Variants in DNAJC17 observed in about 807,000 individuals in gnomAD.
The protein encoded by DNAJC17 is DnaJ heat shock protein family (Hsp40) member C17.
Under a neutral mutation model 48.1 loss-of-function variants are expected in DNAJC17, and 35 were observed. The ratio of observed to expected loss-of-function variants is 0.73; its 90% CI spans 0.56 to 0.96. The LOEUF is 0.96. DNAJC17 is among the 50% of genes least tolerant of loss of function. The probability of loss-of-function intolerance (pLI) is 0.00; values close to 1 mark genes in which losing one functional copy is unlikely to be tolerated. For missense variants in DNAJC17, 355 were observed against 377.1 expected, an observed-to-expected ratio of 0.94 and a Z score of 0.48; for synonymous variants, 117 against 142.7, an observed-to-expected ratio of 0.82 and a Z score of 1.28.
intron 1 of DNAJC17, among the ~76,000 whole-genome samples, chr15:40,794,924 G>A (rs1304572034): frequency 1.3e-5 from 2 of 151,924 alleles, no homozygotes; most frequent in African/African-American, 4.8e-5. Context: ...TCGTCGTGTT[G>A]GCCAGGCTGG....
intron 1 of DNAJC17, among the ~76,000 whole-genome samples, chr15:40,804,928 G>C (rs1890161819): frequency 6.6e-6 from 1 of 151,938 alleles, no homozygotes; most frequent in African/African-American, 2.4e-5. Flanking sequence ...CCTGAACCTG[G>C]GGGGCAGAGG....
chr15:40,767,388 A>AG lies in DNAJC17; in HGVS notation c.*551dup, dbSNP rs1346974635. 6.4e-7 allele frequency: 1 copy of AG among 1,569,450 alleles called. No individual in the cohort carries two copies. The highest frequency in any genetic ancestry group is 8.6e-7 in the Non-Finnish European group (1 of 1,159,224). Reference sequence around the variant, plus strand: ...ATTTGCAGACGGGGCACCCCTGTGGAGGGGCTGCTGTGGGCCCTGACCTCC... The same window carrying AG: ...ATTTGCAGACGGGGCACCCCTGTGGAGGGGGCTGCTGTGGGCCCTGACCTCC... On this transcript the variant is annotated 3_prime_UTR_variant, in exon 11 of 11. Transcript: ENST00000220496.
chr15:40,784,959 A>T (rs1181843266), intron 1 of DNAJC17, among the ~76,000 whole-genome samples: 1 of 152,070 alleles, frequency 6.6e-6, no homozygotes, highest in African/African-American at 2.4e-5. Flanking sequence ...TTAGCTGGGC[A>T]TGGTGGTGGG....
intron 2 of DNAJC17, 159 bp from the exon 3 acceptor site, chr15:40,779,762 C>T (rs1047648910): frequency 1.8e-6 from 2 of 1,088,788 alleles, no homozygotes; most frequent in Non-Finnish European, 2.7e-6. Flanking sequence ...AGCATATCAG[C>T]AACTGACCAG....
chr15:40,800,924 C>A (rs1596101550), intron 1 of DNAJC17, among the ~76,000 whole-genome samples: 1 of 150,706 alleles, frequency 6.6e-6, no homozygotes, highest in East Asian at 2.0e-4. Context: ...CGCCACCATG[C>A]TCCAGCCTGG....
rs1888938521 is a variant in DNAJC17, at chr15:40,765,974, T to C, written c.*1966A>G. 2.2e-6 allele frequency: 2 copies of C among 897,260 alleles called. No individual in the cohort carries two copies. The highest frequency in any genetic ancestry group is 1.7e-6 in the Non-Finnish European group (1 of 580,326). The allele number at this position is 897,260 out of a possible 1,614,324, so 55.6% of individuals were successfully genotyped here. A position where few individuals can be genotyped will look rare whatever the true frequency, so the allele number is the denominator to read the frequency against. ...CTCCCTGCCAGCCCCTAGACCTGCC[T>C]CTGCTCCCTTTATACAACCTCCAAG... On this transcript the variant is annotated 3_prime_UTR_variant, in exon 11 of 11. Coordinates refer to ENST00000220496, the MANE Select transcript of DNAJC17 (RefSeq NM_018163.3).
chr15:40,806,032 C>T (rs1042933610), intron 1 of DNAJC17, among the ~76,000 whole-genome samples: 3 of 151,924 alleles, frequency 2.0e-5, no homozygotes, highest in African/African-American at 7.3e-5. Flanking sequence ...CATAGACATC[C>T]CATGGCCATT....
At chr15:40,786,091 C>G (rs544235221) in intron 1 of DNAJC17, among the ~76,000 whole-genome samples, 1 of 152,322 alleles carries the variant, frequency 6.6e-6, no homozygotes, top group Non-Finnish European at 1.5e-5. Context: ...GAATTTCTCA[C>G]CATGTAAACA....
chr15:40,786,898 C>G (rs2141956041), intron 1 of DNAJC17, among the ~76,000 whole-genome samples: 1 of 152,328 alleles, frequency 6.6e-6, no homozygotes, highest in East Asian at 1.9e-4. Flanking sequence ...CCATCCTAGA[C>G]TGGTTGAGTT....
At position 40,779,514 on chromosome 15, in the gene DNAJC17, G is replaced by A. The variant is rs771138006; in HGVS notation, c.207+31C>T. The A allele has an allele frequency of 3.1e-6, 5 of 1,613,684 alleles. No individual in the cohort carries two copies. The African/African-American group carries it at 4.0e-5, about 13-fold the overall frequency. On this transcript the variant is annotated intron_variant, in intron 3 of 10. Transcript: ENST00000220496. ...GGCAGCAGTGGTCTCTAACCATGGG[G>A]GACGATTCCGATGAAGGAGGCTGTG...
intron 1 of DNAJC17, among the ~76,000 whole-genome samples, chr15:40,794,587 A>C (rs1241117061): frequency 3.3e-5 from 5 of 152,130 alleles, no homozygotes; most frequent in Non-Finnish European, 7.4e-5. Flanking sequence ...TGGGAGGATC[A>C]CCTGAGCCCA....
At chr15:40,780,020 A>G (rs1889439161) in intron 1 of DNAJC17, 23 bp from the exon 2 acceptor site, 8 of 1,610,850 alleles carry the variant, frequency 5.0e-6, no homozygotes, top group South Asian at 1.1e-5. Context: ...GACAGAAGAC[A>G]TGGCCATTCA....
At position 40,793,351 on chromosome 15, in the gene DNAJC17, G is replaced by GTA. The variant is rs144103944; in HGVS notation, c.79-13356_79-13355dup. 9.9e-3 allele frequency among the ~76,000 whole-genome samples: 1,508 copies of GTA among 152,232 alleles called. 25 individuals carry two copies. Among genetic ancestry groups the GTA allele is most frequent in the African/African-American group, 0.034 (1,411 of 41,506 alleles). On this transcript the variant is annotated intron_variant, in intron 1 of 10. Coordinates refer to ENST00000220496, the MANE Select transcript of DNAJC17 (RefSeq NM_018163.3). ...TTCATTGCACCTCAGCGTTCACTGA[G>GTA]TATATAACTGTGTGAGCTGTCAGAA...
At position 40,767,989 on chromosome 15, in the gene DNAJC17, T is replaced by G. The variant is rs1888996541; in HGVS notation, c.866A>C (p.Gln289Pro). 6.2e-7 allele frequency: 1 copy of G among 1,608,540 alleles called. No homozygotes were observed. The highest frequency in any genetic ancestry group is 1.1e-5 in the South Asian group (1 of 90,462). ...MRMRQAAERQ[Q>P]LIARMQQEDQ... ...TTCCTGCTGCATCCGTGCGATCAGC[T>G]GTTGCCGCTCGGCCGCCTGGCGCAT... Residue 289 changes from glutamine (Q) to proline (P), a missense_variant, in exon 11 of 11, where the codon CAG (glutamine) becomes CCG (proline). Physicochemically the swap from Gln to Pro is moderately conservative, Grantham distance 76 (BLOSUM62 -1). Coordinates refer to ENST00000220496, the MANE Select transcript of DNAJC17 (RefSeq NM_018163.3).
rs747324198 is a variant in DNAJC17, at chr15:40,768,000, G to T, written c.855C>A (p.Ala285=). Residue 285 remains alanine (A), a synonymous_variant, in exon 11 of 11, where the codon GCC becomes GCA. Transcript: ENST00000220496. The part of the protein sequence containing the change: ...SLVMMRMRQA[A]ERQQLIARMQ... ...TCCGTGCGATCAGCTGTTGCCGCTC[G>T]GCCGCCTGGCGCATGCGCATCATGA... 7 of 1,605,756 alleles carry T rather than the reference G, an allele frequency of 4.4e-6. No individual in the cohort carries two copies. Among genetic ancestry groups the T allele is most frequent in the Non-Finnish European group, 5.9e-6 (7 of 1,177,622 alleles).
At position 40,774,357 on chromosome 15, in the gene DNAJC17, G is replaced by T; in HGVS notation, c.680C>A (p.Ala227Glu). The T allele has an allele frequency of 6.2e-7, 1 of 1,613,792 alleles. No individual in the cohort carries two copies. Among genetic ancestry groups the T allele is most frequent in the Non-Finnish European group, 8.5e-7 (1 of 1,179,948 alleles). Residue 227 changes from alanine (A) to glutamate (E), a missense_variant and splice_region_variant, in exon 9 of 11, where the codon GCG becomes GAG. By Grantham distance (107) the Ala-to-Glu change is moderately radical. Around this residue, in one of 3 missense-constraint regions of DNAJC17, gnomAD observed 68 missense variants for 109.5 expected, o/e 0.62. Coordinates refer to ENST00000220496, the MANE Select transcript of DNAJC17 (RefSeq NM_018163.3). ...AVVEFATVKA[A>E]ELAVQNEVGL... Reference sequence around the variant, plus strand: ...CCCCAAGCCTCATGCAGCACTCACCGCTGCCTTGACGGTTGCAAACTCCAC... The same window carrying T: ...CCCCAAGCCTCATGCAGCACTCACCTCTGCCTTGACGGTTGCAAACTCCAC...
Position 40,767,358 on chromosome 15 carries a change from T to A in DNAJC17, c.*582A>T, listed in dbSNP as rs1206177562. On this transcript the variant is annotated 3_prime_UTR_variant, in exon 11 of 11. Transcript: ENST00000220496. ...GTCTGCACAAGGAGTGACCTTCTCA[T>A]GCTGATTTGCAGACGGGGCACCCCT... 6.3e-7 allele frequency: 1 copy of A among 1,592,870 alleles called. No individual in the cohort carries two copies. Among genetic ancestry groups the A allele is most frequent in the Non-Finnish European group, 8.5e-7 (1 of 1,170,812 alleles).
intron 1 of DNAJC17, among the ~76,000 whole-genome samples, chr15:40,794,414 G>A (rs996723377): frequency 2.0e-5 from 3 of 149,990 alleles, no homozygotes; most frequent in South Asian, 2.1e-4. Flanking sequence ...GCTCATGCCT[G>A]TAATCCCAGC....
chr15:40,803,139 C>T (rs1413591706), intron 1 of DNAJC17, among the ~76,000 whole-genome samples: 1 of 141,326 alleles, frequency 7.1e-6, no homozygotes, highest in Non-Finnish European at 1.5e-5. Context: ...CTCCTCTCCT[C>T]CAGAATAAAT....
Sources: allele counts gnomAD v4.1 joint callset (sites outside exome capture counted in the v4.1 genomes callset), GRCh38; gene constraint gnomAD v4.1.1; regional missense constraint gnomAD v4.1.1; transcripts MANE v1.5; gene names NCBI Gene and HGNC (gene_info 2026-07-23, HGNC 2026-07-21).